PARD3: variants seen among roughly 807,000 people sequenced by gnomAD.
PARD3 encodes par-3 family cell polarity regulator, also known as partitioning defective 3 homolog.
Under a neutral mutation model 155.4 loss-of-function variants are expected in PARD3, and 75 were observed. That is an observed-to-expected ratio of 0.48 (90% CI 0.40 to 0.58). PARD3 has a LOEUF of 0.58. Ranked by LOEUF, PARD3 falls within the 20% of genes least tolerant of loss-of-function variation. PARD3 has a pLI of 0.00. For synonymous variants in PARD3, 576 were observed against 610.5 expected, an observed-to-expected ratio of 0.94 and a Z score of 0.83; for missense variants, 1,642 against 1,721.7, an observed-to-expected ratio of 0.95 and a Z score of 0.82.
intron 2 of PARD3, among the ~76,000 whole-genome samples, chr10:34,640,535 C>T (rs1407540370): frequency 6.6e-6 from 1 of 150,980 alleles, no homozygotes; most frequent in East Asian, 1.9e-4. Context: ...CATGGTGAAA[C>T]CCTCTCTATA....
chr10:34,305,904 C>G (rs1957384215), intron 20 of PARD3, among the ~76,000 whole-genome samples: 2 of 152,130 alleles, frequency 1.3e-5, no homozygotes. Flanking sequence ...GAGAATCACC[C>G]AGGAGTTCAA....
intron 22 of PARD3, among the ~76,000 whole-genome samples, chr10:34,149,875 G>A (rs1588939471): frequency 6.6e-6 from 1 of 152,104 alleles, no homozygotes; most frequent in East Asian, 1.9e-4. Context: ...AGATTAAACT[G>A]ATGTACAACT....
chr10:34,570,362 T>C lies in PARD3; in HGVS notation c.223-53203A>G, dbSNP rs565843490. ...TAATAGTTAATTATTGAGTTCCAAA[T>C]TGTGAGAGGCACACTAATATATTCT... On this transcript the variant is annotated intron_variant, in intron 2 of 24. Transcript: ENST00000374788. Among the ~76,000 whole-genome samples, 6 of 152,278 alleles carry C rather than the reference T, an allele frequency of 3.9e-5. No individual in the cohort carries two copies. The East Asian group carries it at 1.2e-3, about 29-fold the overall frequency.
intron 2 of PARD3, among the ~76,000 whole-genome samples, chr10:34,610,446 T>C (rs1254379877): frequency 2.0e-5 from 3 of 152,182 alleles, no homozygotes; most frequent in African/African-American, 4.8e-5. Flanking sequence ...CAGAATACTC[T>C]AATATTAAAC....
intron 14 of PARD3, among the ~76,000 whole-genome samples, chr10:34,354,469 T>C (rs1223895912): frequency 6.6e-6 from 1 of 151,838 alleles, no homozygotes; most frequent in Admixed American, 6.5e-5. Flanking sequence ...CAGCAAAGGA[T>C]ACACAGGAAA....
chr10:34,532,828 C>A (rs1320608398), intron 2 of PARD3, among the ~76,000 whole-genome samples: 3 of 152,170 alleles, frequency 2.0e-5, no homozygotes, highest in Non-Finnish European at 4.4e-5. Context: ...TGTTCTACTC[C>A]ATTTTTCTAC....
At chr10:34,779,607 C>T (rs1015511482) in intron 1 of PARD3, among the ~76,000 whole-genome samples, 1 of 152,126 alleles carries the variant, frequency 6.6e-6, no homozygotes, top group South Asian at 2.1e-4. Flanking sequence ...GGCGACACAG[C>T]GTGACTCCAT....
chr10:34,487,566 A>C (rs2079559235), intron 3 of PARD3, among the ~76,000 whole-genome samples: 1 of 152,140 alleles, frequency 6.6e-6, no homozygotes, highest in Non-Finnish European at 1.5e-5. Context: ...GTTTTCTACC[A>C]GGAAAAGGAC....
chr10:34,130,750 G>A (rs1054025270), intron 23 of PARD3, among the ~76,000 whole-genome samples: 2 of 152,152 alleles, frequency 1.3e-5, no homozygotes, highest in African/African-American at 2.4e-5. Context: ...CATGGGGGGT[G>A]CAAAAGATTA....
At chr10:34,549,262 TAC>T (rs1289019177) in intron 2 of PARD3, among the ~76,000 whole-genome samples, 3 of 152,218 alleles carry the variant, frequency 2.0e-5, no homozygotes, top group Non-Finnish European at 4.4e-5. Context: ...GTACCCACAG[TAC>T]AGTCTTATTT....
In PARD3 at chr10:34,599,599, T is replaced by C. The variant is rs1014198380; in HGVS notation, c.223-82440A>G. On this transcript the variant is annotated intron_variant, in intron 2 of 24. Coordinates refer to ENST00000374788, the MANE Select transcript of PARD3 (RefSeq NM_001184785.2). ...ATAAAATTCAACTTTAAAATTTTACTTTATGACCTCATTCAAATTAATGTC... is the reference window on the plus strand; with the variant it reads ...ATAAAATTCAACTTTAAAATTTTACCTTATGACCTCATTCAAATTAATGTC... Among the ~76,000 whole-genome samples the C allele has an allele frequency of 1.1e-4, 16 of 152,228 alleles. No homozygotes were observed. The East Asian group carries it at 1.2e-3, about 11-fold the overall frequency.
chr10:34,292,356 G>A (rs1228079497), intron 20 of PARD3, among the ~76,000 whole-genome samples: 3 of 152,096 alleles, frequency 2.0e-5, no homozygotes, highest in Admixed American at 6.6e-5. Context: ...TTAAGAAATC[G>A]CTACCATGAA....
At chr10:34,402,497 C>T (rs1843995723) in intron 5 of PARD3, among the ~76,000 whole-genome samples, 1 of 152,112 alleles carries the variant, frequency 6.6e-6, no homozygotes, top group Non-Finnish European at 1.5e-5. Context: ...CATAAAGTTA[C>T]CCTAAGCCAA....
intron 2 of PARD3, among the ~76,000 whole-genome samples, chr10:34,633,007 G>A (rs746791456): frequency 3.3e-5 from 5 of 152,150 alleles, no homozygotes; most frequent in African/African-American, 9.7e-5. Flanking sequence ...CCAGGGGCTC[G>A]CCTGACTTGG....
intron 4 of PARD3, among the ~76,000 whole-genome samples, chr10:34,452,277 T>C (rs10219110): frequency 6.6e-6 from 1 of 152,156 alleles, no homozygotes; most frequent in African/African-American, 2.4e-5. Flanking sequence ...CAGTAGGAAC[T>C]GTATTTCAGA....
chr10:34,173,630 C>A (rs1299192664), intron 22 of PARD3, among the ~76,000 whole-genome samples: 1 of 152,128 alleles, frequency 6.6e-6, no homozygotes, highest in Admixed American at 6.5e-5. Flanking sequence ...CTGTATATCA[C>A]AATGGCAAAG....
At chr10:34,741,791 A>G (rs1475337435) in intron 1 of PARD3, among the ~76,000 whole-genome samples, 1 of 152,238 alleles carries the variant, frequency 6.6e-6, no homozygotes, top group African/African-American at 2.4e-5. Context: ...GTCTAACAGA[A>G]GTTAATGAAG....
intron 2 of PARD3, among the ~76,000 whole-genome samples, chr10:34,586,315 A>G (rs924094600): frequency 6.6e-6 from 1 of 152,230 alleles, no homozygotes; most frequent in Non-Finnish European, 1.5e-5. Context: ...GCAATCTAGT[A>G]GGATAAGTAG....
At chr10:34,511,918 G>A (rs559443469) in intron 3 of PARD3, among the ~76,000 whole-genome samples, 1 of 152,032 alleles carries the variant, frequency 6.6e-6, no homozygotes, top group African/African-American at 2.4e-5. Flanking sequence ...TAGAGACAAG[G>A]TCCTTTATAA....
Sources: gnomAD v4.1 joint callset for allele counts (sites outside exome capture counted in the v4.1 genomes callset) on GRCh38, gnomAD v4.1.1 for gene constraint, MANE v1.5 for transcripts, NCBI Gene and HGNC (gene_info 2026-07-23, HGNC 2026-07-21) for gene names.